ARHGEF28: variants seen among roughly 807,000 people sequenced by gnomAD.
The protein encoded by ARHGEF28 is Rho guanine nucleotide exchange factor 28.
ARHGEF28 carries 152 observed loss-of-function variants against 206.6 expected under a neutral mutation model. That is an observed-to-expected ratio of 0.74 (90% CI 0.64 to 0.84). The LOEUF (loss-of-function observed/expected upper bound fraction) is 0.84. ARHGEF28 is among the 40% of genes least tolerant of loss of function. ARHGEF28 has a pLI of 0.00. For synonymous variants in ARHGEF28, 763 were observed against 776.4 expected (o/e 0.98, Z 0.29); for missense variants, 2,028 against 2,073.2 (o/e 0.98, Z 0.42).
intron 2 of ARHGEF28, among the ~76,000 whole-genome samples, chr5:73,717,528 A>C (rs896815172): frequency 1.3e-5 from 2 of 152,196 alleles, no homozygotes; most frequent in Non-Finnish European, 2.9e-5. Context: ...ACAATAACTT[A>C]AGTTTCAGGC....
intron 20 of ARHGEF28, among the ~76,000 whole-genome samples, chr5:73,869,384 C>G (rs1015762522): frequency 6.6e-6 from 1 of 152,092 alleles, no homozygotes; most frequent in Non-Finnish European, 1.5e-5. Flanking sequence ...TTTTAGTAAA[C>G]AGTACAAAAT....
intron 1 of ARHGEF28, among the ~76,000 whole-genome samples, chr5:73,670,227 A>T (rs72770815): frequency 0.26 from 39,374 of 152,018 alleles, 5,705 homozygotes; most frequent in African/African-American, 0.37. Context: ...TAAAAATATT[A>T]TATATATGGA....
intron 1 of ARHGEF28, among the ~76,000 whole-genome samples, chr5:73,644,760 C>G (rs2112148972): frequency 6.6e-6 from 1 of 152,334 alleles, no homozygotes; most frequent in East Asian, 1.9e-4. Context: ...CTGGAGAGGT[C>G]TTTGAATTAC....
At chr5:73,663,396 T>C (rs1745743953) in intron 1 of ARHGEF28, among the ~76,000 whole-genome samples, 1 of 152,226 alleles carries the variant, frequency 6.6e-6, no homozygotes, top group Non-Finnish European at 1.5e-5. Context: ...GTGCCCTCGT[T>C]TCTTTCCTCT....
At chr5:73,691,769 T>G (rs1747846734) in intron 2 of ARHGEF28, among the ~76,000 whole-genome samples, 1 of 152,214 alleles carries the variant, frequency 6.6e-6, no homozygotes, top group Non-Finnish European at 1.5e-5. Context: ...TAGCTCAAAC[T>G]CACTCTAATT....
chr5:73,779,407 T>C (rs1174541034), intron 6 of ARHGEF28, among the ~76,000 whole-genome samples: 1 of 152,242 alleles, frequency 6.6e-6, no homozygotes, highest in Non-Finnish European at 1.5e-5. Flanking sequence ...AAATTACTTA[T>C]AAGGATAAAA....
chr5:73,843,160 T>C (rs970860371), intron 11 of ARHGEF28, among the ~76,000 whole-genome samples: 1 of 152,162 alleles, frequency 6.6e-6, no homozygotes, highest in Non-Finnish European at 1.5e-5. Context: ...TACTTTCTGA[T>C]CATGGTCTTG....
chr5:73,786,664 G>A (rs573727937), intron 7 of ARHGEF28, among the ~76,000 whole-genome samples: 2 of 152,170 alleles, frequency 1.3e-5, no homozygotes, highest in Non-Finnish European at 2.9e-5. Flanking sequence ...TGATTAGGCT[G>A]TTTGCTTTTG....
intron 5 of ARHGEF28, 77 bp from the exon 6 acceptor site, chr5:73,776,439 G>T: frequency 7.7e-7 from 1 of 1,305,940 alleles, no homozygotes; most frequent in Non-Finnish European, 1.0e-6. Flanking sequence ...AAGATCAGGG[G>T]CAGTGATCCT....
chr5:73,686,311 T>C (rs1460997777), intron 2 of ARHGEF28, among the ~76,000 whole-genome samples: 1 of 151,990 alleles, frequency 6.6e-6, no homozygotes, highest in Non-Finnish European at 1.5e-5. Flanking sequence ...TCCACCCTCC[T>C]CCCCTACCTC....
intron 35 of ARHGEF28, among the ~76,000 whole-genome samples, chr5:73,930,413 A>G (rs1446319469): frequency 2.0e-5 from 3 of 152,160 alleles, no homozygotes; most frequent in Admixed American, 2.0e-4. Context: ...CTGTTCATAA[A>G]AGTTTTTTCT....
chr5:73,778,454 A>G (rs1283125320), intron 6 of ARHGEF28, among the ~76,000 whole-genome samples: 1 of 152,214 alleles, frequency 6.6e-6, no homozygotes, highest in Non-Finnish European at 1.5e-5. Flanking sequence ...CACAAAGGCC[A>G]AATGGAGATG....
intron 7 of ARHGEF28, among the ~76,000 whole-genome samples, chr5:73,792,691 T>A (rs910072533): frequency 2.5e-4 from 38 of 150,250 alleles, no homozygotes; most frequent in South Asian, 2.2e-4. Context: ...TTCCTACTTA[T>A]CCCAATTTTT....
intron 9 of ARHGEF28, among the ~76,000 whole-genome samples, chr5:73,821,037 T>C (rs1438321893): frequency 2.0e-5 from 3 of 152,238 alleles, no homozygotes; most frequent in South Asian, 2.1e-4. Flanking sequence ...ACTTGTCTCA[T>C]CTACCTGGTC....
intron 9 of ARHGEF28, among the ~76,000 whole-genome samples, chr5:73,802,870 C>CTGTGTGTGTGTGTGTG (rs561505395): frequency 1.6e-5 from 2 of 122,172 alleles, no homozygotes; most frequent in African/African-American, 3.2e-5. Context: ...AGCTCGATTG[C>CTGTGTGTGTGTGTGTG]TGTGTGTGTG....
chr5:73,786,915 CT>C (rs921726708), intron 7 of ARHGEF28, among the ~76,000 whole-genome samples: 4 of 152,188 alleles, frequency 2.6e-5, no homozygotes, highest in Non-Finnish European at 4.4e-5. Flanking sequence ...CAGATTTTTG[CT>C]TGAACATTCT....
intron 4 of ARHGEF28, among the ~76,000 whole-genome samples, chr5:73,762,455 C>CAAAAAAAAAAAAA (rs35028103): frequency 4.5e-5 from 3 of 66,868 alleles, no homozygotes; most frequent in African/African-American, 8.7e-5. Context: ...GACTCCCTCT[C>CAAAAAAAAAAAAA]AAAAAAAAAA....
intron 2 of ARHGEF28, among the ~76,000 whole-genome samples, chr5:73,685,361 G>A (rs909043432): frequency 6.6e-6 from 1 of 152,170 alleles, no homozygotes; most frequent in Non-Finnish European, 1.5e-5. Flanking sequence ...ACTTAGATGT[G>A]CCATCTAGGC....
chr5:73,833,920 C>T (rs1757450153), intron 10 of ARHGEF28, among the ~76,000 whole-genome samples: 1 of 152,092 alleles, frequency 6.6e-6, no homozygotes, highest in South Asian at 2.1e-4. Flanking sequence ...CCACCTGGTC[C>T]TGCCCTTGAC....
Sources: gnomAD v4.1 joint callset for allele counts (sites outside exome capture counted in the v4.1 genomes callset) on GRCh38, gnomAD v4.1.1 for gene constraint, MANE v1.5 for transcripts, NCBI Gene and HGNC (gene_info 2026-07-23, HGNC 2026-07-21) for gene names.